Variants in SPATA13 observed in about 807,000 individuals in gnomAD.
The protein encoded by SPATA13 is spermatogenesis-associated protein 13.
A neutral mutation model predicts 104.0 loss-of-function variants in SPATA13; 50 were observed. The ratio of observed to expected loss-of-function variants is 0.48; its 90% CI spans 0.38 to 0.61. The LOEUF is 0.61. Among genes scored for constraint, SPATA13 ranks in the 20% least tolerant of loss-of-function variants. SPATA13 has a pLI of 0.00. For synonymous variants in SPATA13, 606 were observed against 667.5 expected (o/e 0.91, Z 1.42); for missense variants, 1,524 against 1,690.6 (o/e 0.90, Z 1.73).
chr13:24,174,987 CTAGTTT>C, intron 1 of SPATA13, among the ~76,000 whole-genome samples: 1 of 152,162 alleles, frequency 6.6e-6, no homozygotes, highest in Non-Finnish European at 1.5e-5. Flanking sequence ...TTACTGATTT[CTAGTTT>C]AATTCCATTA....
intron 3 of SPATA13, among the ~76,000 whole-genome samples, chr13:24,143,034 A>C (rs1410893749): frequency 6.6e-6 from 1 of 152,118 alleles, no homozygotes; most frequent in East Asian, 1.9e-4. Flanking sequence ...CTTGAGTCCA[A>C]GTTGTTTCTT....
chr13:24,284,143 G>T lies in SPATA13; in HGVS notation c.2173G>T (p.Asp725Tyr), dbSNP rs755213595. The change falls in exon 5 of 13, where the codon GAT becomes TAT. Residue 725 changes from aspartate (D) to tyrosine (Y), a missense_variant. Coordinates refer to ENST00000382108, the MANE Select transcript of SPATA13 (RefSeq NM_001166271.3). ...RQMRASNVSSDGGTEPSALVD... is the reference protein window; with the variant it reads ...RQMRASNVSSYGGTEPSALVD... ...TGTTTTGTATGTTTTAGTTTCTTCA[G>T]ATGGAGGTACTGAGCCCTCTGCCTT... 6.2e-6 allele frequency: 10 copies of T among 1,610,182 alleles called. No individual in the cohort carries two copies. Among genetic ancestry groups the T allele is most frequent in the Non-Finnish European group, 7.6e-6 (9 of 1,177,274 alleles).
intron 3 of SPATA13, among the ~76,000 whole-genome samples, chr13:24,079,198 G>T (rs2137775598): frequency 6.6e-6 from 1 of 152,316 alleles, no homozygotes. Flanking sequence ...GATGTAGATG[G>T]CCCACATGGC....
rs951409031 is a variant in SPATA13, at chr13:24,270,104, C to T, written c.2165-14031C>T. 3.9e-5 allele frequency among the ~76,000 whole-genome samples: 6 copies of T among 152,124 alleles called. No individual in the cohort carries two copies. In the East Asian group the frequency reaches 9.7e-4, roughly 24 times the overall value. ...TCATTGTTCATAAAGTTAAAAAGGCCGTGTCTTCTGCTTATGGGGAAATGG... is the reference window on the plus strand; with the variant it reads ...TCATTGTTCATAAAGTTAAAAAGGCTGTGTCTTCTGCTTATGGGGAAATGG... On this transcript the variant is annotated intron_variant, in intron 4 of 12. Transcript: ENST00000382108.
In SPATA13 at chr13:24,189,639, TTA is replaced by T. The variant is rs1203428044; in HGVS notation, c.-112+28717_-112+28718del. ...TAATTTATTATATAAATATATATAT[TTA>T]TATATATATTATATATTATATATTT... On this transcript the variant is annotated intron_variant, in intron 1 of 12. Transcript: ENST00000382108. 5.4e-3 allele frequency among the ~76,000 whole-genome samples: 103 copies of T among 19,150 alleles called. 25 individuals are homozygous for T. Among genetic ancestry groups the T allele is most frequent in the South Asian group, 0.015 (8 of 542 alleles). 12.6% of individuals were successfully genotyped at this position (19,150 alleles called of 152,430 possible).
intron 2 of SPATA13, among the ~76,000 whole-genome samples, chr13:24,225,998 C>T (rs1006569617): frequency 1.3e-5 from 2 of 152,184 alleles, no homozygotes; most frequent in African/African-American, 4.8e-5. Context: ...CAACTCTCAG[C>T]CCATAGGAGA....
At chr13:24,037,444 G>A (rs1372748695) in intron 3 of SPATA13, among the ~76,000 whole-genome samples, 1 of 151,876 alleles carries the variant, frequency 6.6e-6, no homozygotes, top group South Asian at 2.1e-4. Flanking sequence ...GTCTCGCTCT[G>A]TTGCCCAGGC....
chr13:24,190,306 T>C (rs1224174676), intron 1 of SPATA13, among the ~76,000 whole-genome samples: 11 of 2,826 alleles, frequency 3.9e-3, no homozygotes, highest in African/African-American at 4.3e-3. Flanking sequence ...TATATTATTA[T>C]ATATAATATA....
chr13:24,251,948 C>G, intron 4 of SPATA13, 86 bp downstream of exon 4: 2 of 1,499,918 alleles, frequency 1.3e-6, no homozygotes, highest in Non-Finnish European at 1.8e-6. Context: ...GGTTCTGCAC[C>G]TTCGCGCCTC....
intron 3 of SPATA13, among the ~76,000 whole-genome samples, chr13:24,103,484 C>CAAAAAAAA (rs34983901): frequency 2.0e-3 from 137 of 69,768 alleles, no homozygotes; most frequent in African/African-American, 5.2e-3. Context: ...GACCCTGTCT[C>CAAAAAAAA]AAAAAAAAAA....
chr13:24,288,978 T>C, intron 7 of SPATA13, 21 bp from the exon 8 acceptor site: 1 of 1,571,280 alleles, frequency 6.4e-7, no homozygotes, highest in Non-Finnish European at 8.6e-7. Flanking sequence ...AAATAAAAAG[T>C]ATTACTTCTG....
chr13:24,065,326 T>C (rs1366027595), intron 3 of SPATA13, among the ~76,000 whole-genome samples: 3 of 151,858 alleles, frequency 2.0e-5, no homozygotes, highest in Non-Finnish European at 4.4e-5. Context: ...GTGGAGAAGG[T>C]TGTATGAGGG....
chr13:24,094,677 TGAGCCCAG>T (rs1274038513), intron 3 of SPATA13, among the ~76,000 whole-genome samples: 1 of 152,216 alleles, frequency 6.6e-6, no homozygotes, highest in African/African-American at 2.4e-5. Flanking sequence ...GAAGATTGCC[TGAGCCCAG>T]GAGTTTGAGG....
intron 3 of SPATA13, chr13:24,123,544 G>A (rs1266607394): frequency 1.1e-5 from 18 of 1,611,534 alleles, no homozygotes; most frequent in Admixed American, 1.7e-5. Context: ...GGTTCTGTAA[G>A]AATCTGGTAA....
At chr13:24,174,575 T>C (rs1407441244) in intron 1 of SPATA13, among the ~76,000 whole-genome samples, 1 of 152,160 alleles carries the variant, frequency 6.6e-6, no homozygotes, top group African/African-American at 2.4e-5. Context: ...CTTTATTTTA[T>C]TTTTTATTAT....
chr13:23,985,180 G>A (rs1215019783), intron 2 of SPATA13, among the ~76,000 whole-genome samples: 1 of 152,230 alleles, frequency 6.6e-6, no homozygotes, highest in Non-Finnish European at 1.5e-5. Flanking sequence ...TACCGAAGAT[G>A]GCAATGACGT....
intron 3 of SPATA13, among the ~76,000 whole-genome samples, chr13:24,143,310 C>T (rs1451861931): frequency 1.3e-5 from 2 of 152,116 alleles, no homozygotes; most frequent in South Asian, 2.1e-4. Flanking sequence ...ACCTACGTTG[C>T]CCCTTCCCCC....
At chr13:24,032,115 C>T (rs545526641) in intron 3 of SPATA13, among the ~76,000 whole-genome samples, 2 of 152,260 alleles carry the variant, frequency 1.3e-5, no homozygotes, top group East Asian at 1.9e-4. Flanking sequence ...CTCCACCATC[C>T]CCCAGGTGAC....
intron 3 of SPATA13, among the ~76,000 whole-genome samples, chr13:24,127,842 G>A (rs1270637022): frequency 1.3e-5 from 2 of 152,164 alleles, no homozygotes; most frequent in African/African-American, 4.8e-5. Flanking sequence ...AACAAGACAG[G>A]CATCAAGTCT....
Sources: allele counts gnomAD v4.1 joint callset (sites outside exome capture counted in the v4.1 genomes callset), GRCh38; gene constraint gnomAD v4.1.1; transcripts MANE v1.5; gene names NCBI Gene and HGNC (gene_info 2026-07-23, HGNC 2026-07-21).